NPIPB2: variants seen among roughly 807,000 people sequenced by gnomAD.
The protein encoded by NPIPB2 is nuclear pore complex-interacting protein family member B2.
In NPIPB2, 27 loss-of-function variants were observed where a neutral mutation model predicts 30.8. That is an observed-to-expected ratio of 0.88 (90% confidence interval 0.65 to 1.21). The LOEUF is 1.21. Ranked by LOEUF, NPIPB2 falls within the 50% of genes most tolerant of loss-of-function variation. The pLI is 0.00. For synonymous variants in NPIPB2, 147 were observed against 162.0 expected (o/e 0.91, Z 0.70); for missense variants, 440 against 446.2 (o/e 0.99, Z 0.13).
At chr16:11,976,232 T>C (rs2055293826) in intron 1 of NPIPB2, among the ~76,000 whole-genome samples, 1 of 152,088 alleles carries the variant, frequency 6.6e-6, no homozygotes. Context: ...CCAGGCCTAT[T>C]TTCTCACTCA....
intron 1 of NPIPB2, among the ~76,000 whole-genome samples, chr16:11,975,150 T>C (rs867174660): frequency 7.6e-5 from 5 of 66,148 alleles, no homozygotes; most frequent in African/African-American, 1.1e-4. Flanking sequence ...CCTTTTTTTT[T>C]TTTTTTTTTT....
chr16:11,965,427 C>A lies in NPIPB2; in HGVS notation c.-584+11141G>T, dbSNP rs1274772306. The A allele has an allele frequency of 6.2e-7, 1 of 1,614,040 alleles. No individual in the cohort carries two copies. On this transcript the variant is annotated intron_variant, in intron 1 of 5. Coordinates refer to the NPIPB2 transcript ENST00000538896. ...TCGATGTTCTTCTAATACTCCTCCT[C>A]TAACATGTCAGCGTTATTGTAATGC...
chr16:11,958,242 A>G (rs555256112), intron 1 of NPIPB2, among the ~76,000 whole-genome samples: 1 of 151,988 alleles, frequency 6.6e-6, no homozygotes, highest in African/African-American at 2.4e-5. Flanking sequence ...CCTGGCCAAC[A>G]TAGCAAAACC....
At chr16:11,963,380 CAAAA>C (rs35810741) in intron 1 of NPIPB2, among the ~76,000 whole-genome samples, 11 of 62,596 alleles carry the variant, frequency 1.8e-4, no homozygotes, top group African/African-American at 5.1e-4. Flanking sequence ...AACTCCAGCT[CAAAA>C]AAAAAAAAAA....
At chr16:11,930,206 G>C (rs2054773001) in intron 5 of NPIPB2, among the ~76,000 whole-genome samples, 1 of 103,494 alleles carries the variant, frequency 9.7e-6, no homozygotes, top group South Asian at 4.0e-4. Flanking sequence ...TATGAACCGA[G>C]TTTCCACACA....
chr16:11,973,150 G>C (rs1038837503), intron 1 of NPIPB2, among the ~76,000 whole-genome samples: 2 of 100,106 alleles, frequency 2.0e-5, no homozygotes, highest in Non-Finnish European at 3.7e-5. Context: ...TGGGCAACAA[G>C]AGTGAAACTG....
At chr16:11,948,340 A>G (rs995139368) in intron 1 of NPIPB2, among the ~76,000 whole-genome samples, 4 of 152,174 alleles carry the variant, frequency 2.6e-5, no homozygotes, top group Non-Finnish European at 4.4e-5. Context: ...ACAATTGGTC[A>G]TTGTGCGTCT....
chr16:11,958,712 G>A (rs907395409), intron 1 of NPIPB2, among the ~76,000 whole-genome samples: 9 of 152,120 alleles, frequency 5.9e-5, no homozygotes, highest in South Asian at 2.1e-4. Context: ...CTGCACTCCT[G>A]CCTGGGTAAC....
At chr16:11,967,499 G>C in intron 1 of NPIPB2, 1 of 1,476,676 alleles carries the variant, frequency 6.8e-7, no homozygotes, top group Non-Finnish European at 9.3e-7. Flanking sequence ...GTCCCGATGT[G>C]TACTGCTAAG....
At chr16:11,937,264 C>A (rs1318366972) in intron 2 of NPIPB2, among the ~76,000 whole-genome samples, 1 of 152,108 alleles carries the variant, frequency 6.6e-6, no homozygotes, top group Non-Finnish European at 1.5e-5. Flanking sequence ...AGTGACGAAA[C>A]CTCATACTCC....
chr16:11,969,194 G>A (rs1230927483), intron 1 of NPIPB2, among the ~76,000 whole-genome samples: 3 of 151,946 alleles, frequency 2.0e-5, no homozygotes, highest in Non-Finnish European at 2.9e-5. Flanking sequence ...TGGTTAGGGC[G>A]CTTCTCTCCG....
At chr16:11,970,082 C>T (rs2055227060) in intron 1 of NPIPB2, among the ~76,000 whole-genome samples, 1 of 151,836 alleles carries the variant, frequency 6.6e-6, no homozygotes, top group East Asian at 2.0e-4. Context: ...GGTGTGGTGG[C>T]TCATGCCTGT....
At chr16:11,946,445 T>C (rs1266207493), upstream of NPIPB2, among the ~76,000 whole-genome samples, 3 of 151,320 alleles carry the variant, frequency 2.0e-5, no homozygotes, top group Middle Eastern at 3.4e-3. Context: ...TGTGTGCCTT[T>C]AGTCCTAGCC....
At chr16:11,969,074 T>C (rs1412438954) in intron 1 of NPIPB2, among the ~76,000 whole-genome samples, 1 of 151,532 alleles carries the variant, frequency 6.6e-6, no homozygotes, top group Non-Finnish European at 1.5e-5. Flanking sequence ...ACTGTGTTGG[T>C]CAGGCTGGTC....
At chr16:11,932,775 CAAAAAAAAAAAAAAAAAAAAAA>C (rs71230716) in intron 4 of NPIPB2, among the ~76,000 whole-genome samples, 3 of 4,930 alleles carry the variant, frequency 6.1e-4, no homozygotes, top group African/African-American at 1.8e-3. Context: ...GACTCTGTCT[CAAAAAAAAAAAAAAAAAAAAAA>C]AAAAAAAAAA....
intron 1 of NPIPB2, among the ~76,000 whole-genome samples, chr16:11,954,552 A>C (rs1275791717): frequency 6.6e-6 from 1 of 151,932 alleles, no homozygotes. Flanking sequence ...TGAGAAATAA[A>C]ATTTTTTTTA....
chr16:11,967,864 G>A (rs376885863), intron 1 of NPIPB2: 11 of 1,606,814 alleles, frequency 6.8e-6, no homozygotes, highest in African/African-American at 1.3e-5. Context: ...ATTTCGACTC[G>A]AGCAGTGCCA....
At position 11,968,082 on chromosome 16, in the gene NPIPB2, AT is replaced by A. The variant is rs1488164455; in HGVS notation, c.-584+8485del. On this transcript the variant is annotated intron_variant, in intron 1 of 5. Coordinates refer to the NPIPB2 transcript ENST00000538896. ...TTTTTTTCCTGACATCTAAGTTTTT[AT>A]TAACGTGAGTTTTTAAAAACAAGCA... 5 of 490,730 alleles carry A rather than the reference AT, an allele frequency of 1.0e-5. No individual in the cohort carries two copies. The Admixed American group carries it at 1.9e-4, about 19-fold the overall frequency. The allele number at this position is 490,730 out of a possible 1,614,324, so 30.4% of individuals were successfully genotyped here.
chr16:11,947,536 G>A (rs1341141285), intron 1 of NPIPB2, among the ~76,000 whole-genome samples: 4 of 151,360 alleles, frequency 2.6e-5, no homozygotes, highest in African/African-American at 9.7e-5. Flanking sequence ...AGTAGAGACG[G>A]GGTTTCACCG....
Sources: allele counts gnomAD v4.1 joint callset (sites outside exome capture counted in the v4.1 genomes callset), GRCh38; gene constraint gnomAD v4.1.1; transcripts MANE v1.5; gene names NCBI Gene and HGNC (gene_info 2026-07-23, HGNC 2026-07-21).